The following CHD9 variants were observed in gnomAD, a reference collection of about 807,000 sequenced individuals.
CHD9 encodes ATP-dependent chromatin remodeler CHD9.
Under a neutral mutation model 316.1 loss-of-function variants are expected in CHD9, and 77 were observed. That is an observed-to-expected ratio of 0.24 (90% CI 0.20 to 0.29). The LOEUF (loss-of-function observed/expected upper bound fraction) is 0.29. CHD9 is among the 10% of genes least tolerant of loss of function. The pLI, the probability that CHD9 is intolerant of heterozygous loss-of-function variation, is 1.00. For synonymous variants in CHD9, 1,129 were observed against 1,158.3 expected (o/e 0.97, Z 0.51); for missense variants, 2,763 against 3,438.1 (o/e 0.80, Z 4.91).
In CHD9 at chr16:53,296,904, T is replaced by C. The variant is rs530507562; in HGVS notation, c.5511-52T>C. 84 of 1,134,892 alleles carry C rather than the reference T, an allele frequency of 7.4e-5. No homozygotes were observed. In the South Asian group the frequency reaches 1.1e-3, roughly 14 times the overall value. The allele number at this position is 1,134,892 out of a possible 1,614,324, so 70.3% of individuals were successfully genotyped here. On this transcript the variant is annotated intron_variant, in intron 29 of 38. Transcript: ENST00000447540. ...TTATAGTCATTATATTTAGTATTAA[T>C]ATTAATTTTAGTGACTAGTGTGGTT...
At chr16:53,186,665 A>G (rs1455694704) in intron 2 of CHD9, among the ~76,000 whole-genome samples, 1 of 152,194 alleles carries the variant, frequency 6.6e-6, no homozygotes, top group African/African-American at 2.4e-5. Context: ...TAGTTCCCGT[A>G]ATCCTTATGT....
chr16:53,285,013 C>T (rs1200450526), intron 24 of CHD9, among the ~76,000 whole-genome samples: 2 of 152,100 alleles, frequency 1.3e-5, no homozygotes, highest in Non-Finnish European at 2.9e-5. Context: ...GTGATCTACC[C>T]GCCTCTGCCC....
At chr16:53,177,485 G>A (rs1298725549) in intron 2 of CHD9, among the ~76,000 whole-genome samples, 1 of 152,122 alleles carries the variant, frequency 6.6e-6, no homozygotes, top group Non-Finnish European at 1.5e-5. Context: ...TTTAAATTTA[G>A]TACTAGAAGG....
chr16:53,075,258 G>C (rs778451277), intron 1 of CHD9, among the ~76,000 whole-genome samples: 3 of 152,118 alleles, frequency 2.0e-5, no homozygotes, highest in Non-Finnish European at 2.9e-5. Flanking sequence ...GAAGTAACTA[G>C]CTTGCTTTTG....
chr16:53,214,437 A>G (rs1318258750), intron 3 of CHD9, among the ~76,000 whole-genome samples: 1 of 152,200 alleles, frequency 6.6e-6, no homozygotes, highest in Non-Finnish European at 1.5e-5. Flanking sequence ...TTATTGGTGT[A>G]TGATAAACGA....
chr16:53,056,481 A>C (rs2032135369), intron 1 of CHD9, among the ~76,000 whole-genome samples: 1 of 152,236 alleles, frequency 6.6e-6, no homozygotes, highest in African/African-American at 2.4e-5. Flanking sequence ...AGCCAAGGAA[A>C]CTGAGGCTCA....
At chr16:53,171,418 C>CA (rs2152781257) in intron 2 of CHD9, among the ~76,000 whole-genome samples, 1 of 151,866 alleles carries the variant, frequency 6.6e-6, no homozygotes, top group Admixed American at 6.6e-5. Flanking sequence ...GACTCCGTCT[C>CA]AAAAAAGTAA....
chr16:53,226,121 A>G (rs1375496895), intron 4 of CHD9, among the ~76,000 whole-genome samples: 1 of 152,114 alleles, frequency 6.6e-6, no homozygotes, highest in Non-Finnish European at 1.5e-5. Context: ...AAATTAACAT[A>G]ATAAAAGTAT....
At chr16:53,301,230 AGCCTTTT>A (rs2055381575) in intron 30 of CHD9, among the ~76,000 whole-genome samples, 1 of 152,212 alleles carries the variant, frequency 6.6e-6, no homozygotes, top group African/African-American at 2.4e-5. Context: ...CGCTTCTCTT[AGCCTTTT>A]GGCTAAGATC....
chr16:53,095,969 C>G (rs759752365), intron 1 of CHD9, among the ~76,000 whole-genome samples: 4 of 151,936 alleles, frequency 2.6e-5, no homozygotes, highest in African/African-American at 4.8e-5. Context: ...TCATTGTGAT[C>G]TCTTCATGGT....
intron 10 of CHD9, 100 bp downstream of exon 10, chr16:53,231,884 T>G (rs993232518): frequency 8.7e-7 from 1 of 1,146,352 alleles, no homozygotes; most frequent in African/African-American, 1.6e-5. Context: ...TCATTTCTTT[T>G]AAACAGGCTT....
intron 11 of CHD9, 88 bp from the exon 12 acceptor site, chr16:53,238,255 T>C: frequency 8.4e-7 from 1 of 1,188,056 alleles, no homozygotes; most frequent in Non-Finnish European, 1.2e-6. Context: ...ACTATTTTAT[T>C]TGATCTTTGA....
At chr16:53,132,791 TGC>T (rs1358472765) in intron 1 of CHD9, among the ~76,000 whole-genome samples, 3 of 146,104 alleles carry the variant, frequency 2.1e-5, no homozygotes, top group Admixed American at 6.9e-5. Flanking sequence ...CTTCTAATTC[TGC>T]TTTTTTTTTT....
intron 2 of CHD9, among the ~76,000 whole-genome samples, chr16:53,204,799 G>C (rs973247618): frequency 6.6e-6 from 1 of 151,974 alleles, no homozygotes; most frequent in Non-Finnish European, 1.5e-5. Context: ...ATTTGGATAT[G>C]ATATTAATAT....
chr16:53,256,647 C>CTT (rs58475752), intron 19 of CHD9, among the ~76,000 whole-genome samples: 1 of 142,040 alleles, frequency 7.0e-6, no homozygotes, highest in Non-Finnish European at 1.5e-5. Context: ...TTTCTCTCTC[C>CTT]TTTTTTTTTT....
intron 2 of CHD9, among the ~76,000 whole-genome samples, chr16:53,180,826 C>T (rs2043446836): frequency 1.3e-5 from 2 of 152,138 alleles, no homozygotes; most frequent in South Asian, 4.1e-4. Flanking sequence ...CAGGCGCCCG[C>T]CACCACGCCC....
intron 1 of CHD9, among the ~76,000 whole-genome samples, chr16:53,138,233 TG>T (rs1365532647): frequency 3.3e-5 from 5 of 152,318 alleles, no homozygotes; most frequent in African/African-American, 1.2e-4. Flanking sequence ...AGTGGGAAAT[TG>T]GGCTTTATAT....
intron 18 of CHD9, among the ~76,000 whole-genome samples, chr16:53,254,997 C>G (rs1436540993): frequency 6.6e-6 from 1 of 151,856 alleles, no homozygotes; most frequent in African/African-American, 2.4e-5. Context: ...AGGTTCTTGC[C>G]TAATATCTAT....
chr16:53,058,788 C>A (rs566613654), intron 1 of CHD9, among the ~76,000 whole-genome samples: 2 of 152,342 alleles, frequency 1.3e-5, no homozygotes, highest in South Asian at 2.1e-4. Context: ...ACCCCCCACC[C>A]TCCAACTTAA....
Sources: allele counts gnomAD v4.1 joint callset (sites outside exome capture counted in the v4.1 genomes callset), GRCh38; gene constraint gnomAD v4.1.1; transcripts MANE v1.5; gene names NCBI Gene and HGNC (gene_info 2026-07-23, HGNC 2026-07-21).